The following ANO3 variants were observed in gnomAD, a reference collection of about 807,000 sequenced individuals.
The protein encoded by ANO3 is anoctamin 3, also known as anoctamin-3.
In ANO3, 99 loss-of-function variants were observed where a neutral mutation model predicts 144.8. The ratio of observed to expected loss-of-function variants is 0.68; its 90% confidence interval spans 0.58 to 0.81. The LOEUF is 0.81. ANO3 is among the 30% of genes least tolerant of loss of function. The probability of loss-of-function intolerance (pLI) is 0.00; values close to 1 mark genes in which losing one functional copy is unlikely to be tolerated. For synonymous variants in ANO3, 414 were observed against 392.6 expected (o/e 1.05, Z -0.64); for missense variants, 905 against 1,202.2 (o/e 0.75, Z 3.66).
chr11:26,355,433 C>G (rs1179717757), intron 1 of ANO3, among the ~76,000 whole-genome samples: 1 of 151,878 alleles, frequency 6.6e-6, no homozygotes, highest in East Asian at 1.9e-4. Context: ...ATCATACTTT[C>G]TTTTGTAACT....
At chr11:26,569,531 T>C (rs927138360) in intron 14 of ANO3, among the ~76,000 whole-genome samples, 1 of 152,040 alleles carries the variant, frequency 6.6e-6, no homozygotes, top group Admixed American at 6.6e-5. Context: ...TCATCCGTTA[T>C]TCAGAACCCC....
chr11:26,618,154 C>A (rs922053413), intron 17 of ANO3, among the ~76,000 whole-genome samples: 7 of 151,926 alleles, frequency 4.6e-5, no homozygotes, highest in African/African-American at 1.7e-4. Context: ...AATTGCTTTT[C>A]AAATATAATC....
chr11:26,443,349 C>T (rs1484990963), intron 2 of ANO3, among the ~76,000 whole-genome samples: 1 of 152,064 alleles, frequency 6.6e-6, no homozygotes, highest in Non-Finnish European at 1.5e-5. Context: ...CGACTGTAAT[C>T]CCAGCACTTT....
At chr11:26,655,593 A>C (rs1243517087) in intron 24 of ANO3, among the ~76,000 whole-genome samples, 2 of 152,204 alleles carry the variant, frequency 1.3e-5, no homozygotes, top group African/African-American at 2.4e-5. Context: ...TATTGTGTGC[A>C]TCTCTCTCCC....
intron 1 of ANO3, among the ~76,000 whole-genome samples, chr11:26,257,843 G>C (rs756284980): frequency 6.6e-6 from 1 of 152,068 alleles, no homozygotes; most frequent in East Asian, 1.9e-4. Context: ...TAAAAATCTA[G>C]TGTTCCCTTC....
At chr11:26,334,803 T>G (rs1306124959) in intron 1 of ANO3, among the ~76,000 whole-genome samples, 1 of 152,216 alleles carries the variant, frequency 6.6e-6, no homozygotes, top group Non-Finnish European at 1.5e-5. Context: ...TTTATTCAAG[T>G]GAGCTCAATG....
chr11:26,289,617 T>C lies in ANO3; in HGVS notation c.155-20028T>C, dbSNP rs189532569. On this transcript the variant is annotated intron_variant, in intron 1 of 27. Transcript: ENST00000672621. ...TATATGTACATATACACACATATAT[T>C]CTATATGTGTGTATATGTACATATA... Among the ~76,000 whole-genome samples, 491 of 81,218 alleles carry C rather than the reference T, an allele frequency of 6.0e-3. 4 individuals carry two copies. Among genetic ancestry groups the C allele is most frequent in the African/African-American group, 0.02 (232 of 11,698 alleles). 53.3% of individuals were successfully genotyped at this position (81,218 alleles called of 152,430 possible).
At chr11:26,614,671 G>A (rs911493149) in intron 17 of ANO3, among the ~76,000 whole-genome samples, 2 of 152,132 alleles carry the variant, frequency 1.3e-5, no homozygotes, top group Non-Finnish European at 2.9e-5. Context: ...AAGGATTGCT[G>A]GTGTTTGTGG....
At chr11:26,556,574 G>A (rs1337691728) in intron 13 of ANO3, among the ~76,000 whole-genome samples, 1 of 152,054 alleles carries the variant, frequency 6.6e-6, no homozygotes, top group Non-Finnish European at 1.5e-5. Flanking sequence ...ATTGGTCAAG[G>A]GTGAGGCCTC....
At chr11:26,239,005 A>G (rs925737538) in intron 1 of ANO3, among the ~76,000 whole-genome samples, 1 of 149,292 alleles carries the variant, frequency 6.7e-6, no homozygotes, top group Non-Finnish European at 1.5e-5. Flanking sequence ...GTTAATATTT[A>G]AAATTATGAA....
intron 1 of ANO3, among the ~76,000 whole-genome samples, chr11:26,304,373 TA>T (rs904493366): frequency 4.4e-4 from 67 of 152,280 alleles, no homozygotes; most frequent in African/African-American, 1.6e-3. Flanking sequence ...TGAGGAGTAC[TA>T]ATTGCCTTTT....
At chr11:26,381,557 C>G (rs1187052761) in intron 1 of ANO3, among the ~76,000 whole-genome samples, 2 of 152,174 alleles carry the variant, frequency 1.3e-5, no homozygotes, top group Non-Finnish European at 2.9e-5. Context: ...ATTGTCTCAT[C>G]CCATTTGAAT....
intron 1 of ANO3, among the ~76,000 whole-genome samples, chr11:26,354,012 T>G (rs1855715647): frequency 6.6e-6 from 1 of 152,242 alleles, no homozygotes; most frequent in South Asian, 2.1e-4. Context: ...AAAGTTGAAA[T>G]GCAAGGGTGA....
chr11:26,314,835 A>T (rs1854583711), intron 1 of ANO3, among the ~76,000 whole-genome samples: 1 of 152,190 alleles, frequency 6.6e-6, no homozygotes, highest in South Asian at 2.1e-4. Context: ...GGTGTTCAGT[A>T]AATGTGAGTC....
intron 25 of ANO3, 31 bp downstream of exon 25, chr11:26,656,236 T>G (rs1325050324): frequency 6.3e-7 from 1 of 1,582,900 alleles, no homozygotes; most frequent in Non-Finnish European, 8.7e-7. Context: ...TCCTGCTTGC[T>G]TTCACCATTC....
chr11:26,532,225 G>C (rs1255455280), intron 8 of ANO3, among the ~76,000 whole-genome samples: 1 of 152,132 alleles, frequency 6.6e-6, no homozygotes, highest in Non-Finnish European at 1.5e-5. Flanking sequence ...TATTCTTGGA[G>C]GTGTAACTAG....
intron 1 of ANO3, among the ~76,000 whole-genome samples, chr11:26,225,352 G>C (rs1261258857): frequency 6.6e-6 from 1 of 152,018 alleles, no homozygotes; most frequent in East Asian, 1.9e-4. Flanking sequence ...TTTAGAGTGA[G>C]ACAAGTAAAT....
chr11:26,658,234 T>G (rs1173301289), intron 26 of ANO3, among the ~76,000 whole-genome samples: 3 of 152,194 alleles, frequency 2.0e-5, no homozygotes, highest in African/African-American at 7.2e-5. Flanking sequence ...TATTTTCCCC[T>G]TAGAGCACCA....
intron 17 of ANO3, among the ~76,000 whole-genome samples, chr11:26,623,013 C>T (rs7127023): frequency 0.27 from 41,005 of 152,002 alleles, 5,617 homozygotes; most frequent in Middle Eastern, 0.3. Context: ...ATAAATAAGA[C>T]ATGAAAAAGA....
Sources: allele counts gnomAD v4.1 joint callset (sites outside exome capture counted in the v4.1 genomes callset), GRCh38; gene constraint gnomAD v4.1.1; transcripts MANE v1.5; gene names NCBI Gene and HGNC (gene_info 2026-07-23, HGNC 2026-07-21).